NTRK2: variants seen among roughly 807,000 people sequenced by gnomAD.
NTRK2 encodes BDNF/NT-3 growth factors receptor.
Under a neutral mutation model 94.5 loss-of-function variants are expected in NTRK2, and 13 were observed. The observed-to-expected ratio is 0.14, with a 90% CI of 0.09 to 0.22. The LOEUF is 0.22. Ranked by LOEUF, NTRK2 falls within the 10% of genes least tolerant of loss-of-function variation. The pLI is 1.00. For missense variants in NTRK2, 639 were observed against 1,071.2 expected (o/e 0.60, Z 5.63); for synonymous variants, 372 against 407.4 (o/e 0.91, Z 1.05).
At chr9:84,897,526 C>T (rs2076795820) in intron 14 of NTRK2, among the ~76,000 whole-genome samples, 2 of 152,200 alleles carry the variant, frequency 1.3e-5, no homozygotes, top group African/African-American at 4.8e-5. Context: ...AGTTCGGACT[C>T]CTGCTGCCTA....
intron 17 of NTRK2, among the ~76,000 whole-genome samples, chr9:84,998,335 A>G (rs1051193824): frequency 6.6e-6 from 1 of 152,162 alleles, no homozygotes; most frequent in Admixed American, 6.5e-5. Context: ...GATGGTTTTC[A>G]GTCTCAGAGA....
rs1224467464 is a variant in NTRK2, at chr9:84,867,223, A to G, written c.1445-20A>G. 1 of 1,611,886 alleles carries G rather than the reference A, an allele frequency of 6.2e-7. No homozygotes were observed. The highest frequency in any genetic ancestry group is 8.5e-7 in the Non-Finnish European group (1 of 1,178,182). ...AAAGCCATTGATTACAGGAGAATAT[A>G]TATATTTTTCCATCTCCAGGCCCAG... On this transcript the variant is annotated intron_variant, in intron 13 of 18. Coordinates refer to ENST00000277120, the MANE Select transcript of NTRK2 (RefSeq NM_006180.6).
intron 16 of NTRK2, among the ~76,000 whole-genome samples, chr9:84,950,230 G>C (rs2132912092): frequency 6.6e-6 from 1 of 152,318 alleles, no homozygotes; most frequent in Admixed American, 6.5e-5. Context: ...GCCTCGGTAA[G>C]AGAAATCACA....
intron 12 of NTRK2, among the ~76,000 whole-genome samples, chr9:84,783,819 G>T (rs573687033): frequency 6.6e-6 from 1 of 151,974 alleles, no homozygotes; most frequent in East Asian, 1.9e-4. Flanking sequence ...GCTGGGTTGT[G>T]GGGGCAGGGC....
intron 2 of NTRK2, among the ~76,000 whole-genome samples, chr9:84,682,169 C>T (rs941263486): frequency 6.6e-6 from 1 of 152,328 alleles, no homozygotes; most frequent in Middle Eastern, 3.4e-3. Flanking sequence ...CCTTCATTCA[C>T]TGCCCAACAC....
chr9:84,958,209 A>C (rs1003088749), intron 17 of NTRK2, among the ~76,000 whole-genome samples: 1 of 152,200 alleles, frequency 6.6e-6, no homozygotes, highest in East Asian at 1.9e-4. Flanking sequence ...ACAAAAAAAA[A>C]ACACTGAATC....
rs907238119 is a variant in NTRK2 at position 85,020,307 on chromosome 9, G to T, written c.2274G>T (p.Val758=). 1.9e-6 allele frequency: 3 copies of T among 1,614,030 alleles called. No homozygotes were observed. Among genetic ancestry groups the T allele is most frequent in the Admixed American group, 3.3e-5 (2 of 60,002 alleles). ...TESDVWSLGV[V]LWEIFTYGKQ... ...GCGACGTCTGGAGCCTGGGGGTCGT[G>T]TTGTGGGAGATTTTCACCTATGGCA... The change falls in exon 18 of 19, where the codon GTG becomes GTT. Residue 758 remains valine (V), a synonymous_variant. Coordinates refer to ENST00000277120, the MANE Select transcript of NTRK2 (RefSeq NM_006180.6).
chr9:84,715,235 T>C (rs1435628098), intron 6 of NTRK2, among the ~76,000 whole-genome samples: 2 of 152,242 alleles, frequency 1.3e-5, no homozygotes, highest in East Asian at 3.8e-4. Flanking sequence ...TTTCAGTTAA[T>C]TAAAAATAAC....
intron 12 of NTRK2, among the ~76,000 whole-genome samples, chr9:84,772,263 T>A (rs568230432): frequency 6.6e-6 from 1 of 152,298 alleles, no homozygotes; most frequent in Non-Finnish European, 1.5e-5. Context: ...AAACAATTTT[T>A]TTTTTTGAGA....
intron 12 of NTRK2, among the ~76,000 whole-genome samples, chr9:84,848,353 C>T (rs555761387): frequency 4.6e-5 from 7 of 152,260 alleles, no homozygotes; most frequent in African/African-American, 1.4e-4. Flanking sequence ...TGATTTTATC[C>T]ACTAGGAGTC....
At chr9:84,825,518 G>A (rs976554357) in intron 12 of NTRK2, among the ~76,000 whole-genome samples, 2 of 152,132 alleles carry the variant, frequency 1.3e-5, no homozygotes, top group Non-Finnish European at 2.9e-5. Flanking sequence ...CTTGAACTTG[G>A]CACTTAACTC....
chr9:84,936,390 C>G (rs923119169), intron 15 of NTRK2, among the ~76,000 whole-genome samples: 2 of 152,196 alleles, frequency 1.3e-5, no homozygotes, highest in Admixed American at 6.5e-5. Flanking sequence ...GAAGAGTCAG[C>G]TGGTGACAGT....
chr9:84,927,637 T>C (rs1214201968), intron 14 of NTRK2, among the ~76,000 whole-genome samples: 1 of 152,058 alleles, frequency 6.6e-6, no homozygotes, highest in African/African-American at 2.4e-5. Context: ...TATGTTGTAG[T>C]GGAAAGAATT....
At chr9:84,718,024 T>TCTTCCC (rs1343350576) in intron 6 of NTRK2, among the ~76,000 whole-genome samples, 1 of 149,050 alleles carries the variant, frequency 6.7e-6, no homozygotes, top group Non-Finnish European at 1.5e-5. Flanking sequence ...TTCTTCTTCC[T>TCTTCCC]CTTCCCCTTC....
intron 2 of NTRK2, among the ~76,000 whole-genome samples, chr9:84,694,629 C>G (rs2060249583): frequency 6.6e-6 from 1 of 152,098 alleles, no homozygotes; most frequent in Non-Finnish European, 1.5e-5. Context: ...TAGCTGTGAA[C>G]CCAGGGACCA....
intron 17 of NTRK2, among the ~76,000 whole-genome samples, chr9:84,969,174 T>G (rs556305516): frequency 6.6e-6 from 1 of 152,368 alleles, no homozygotes; most frequent in East Asian, 1.9e-4. Context: ...ACTCTGTTTT[T>G]TCCGTGCTAT....
intron 12 of NTRK2, among the ~76,000 whole-genome samples, chr9:84,850,146 A>G (rs928634618): frequency 9.9e-5 from 15 of 152,166 alleles, no homozygotes; most frequent in Non-Finnish European, 2.1e-4. Context: ...TTTAATGTGA[A>G]TTTTGTTGAA....
chr9:84,784,262 C>T (rs528041158), intron 12 of NTRK2, among the ~76,000 whole-genome samples: 3 of 152,214 alleles, frequency 2.0e-5, no homozygotes, highest in Non-Finnish European at 2.9e-5. Flanking sequence ...CATAGTGATG[C>T]GTGATACAAA....
Position 84,766,673 on chromosome 9 carries a change from CAAACACACACACATA to C in NTRK2, c.1396+14600_1396+14614del, listed in dbSNP as rs562153482. 9.0e-3 allele frequency among the ~76,000 whole-genome samples: 1,372 copies of C among 151,906 alleles called. 21 individuals are homozygous for C. Among genetic ancestry groups the C allele is most frequent in the African/African-American group, 0.031 (1,279 of 41,424 alleles). On this transcript the variant is annotated intron_variant, in intron 12 of 18. Coordinates refer to ENST00000277120, the MANE Select transcript of NTRK2 (RefSeq NM_006180.6). ...AACACACATACACACACTCAACACA[CAAACACACACACATA>C]AAACACACACATACACACAACATAC...
Sources: gnomAD v4.1 joint callset for allele counts (sites outside exome capture counted in the v4.1 genomes callset) on GRCh38, gnomAD v4.1.1 for gene constraint, MANE v1.5 for transcripts, NCBI Gene and HGNC (gene_info 2026-07-23, HGNC 2026-07-21) for gene names.